RPS6KC1: variants seen among roughly 807,000 people sequenced by gnomAD.
RPS6KC1 encodes the protein ribosomal protein S6 kinase C1, also known as inactive ribosomal protein S6 kinase delta-1.
In RPS6KC1, 54 loss-of-function variants were observed where a neutral mutation model predicts 103.8. That is an observed-to-expected ratio of 0.52 (90% CI 0.42 to 0.65). The LOEUF is 0.65. Among genes scored for constraint, RPS6KC1 ranks in the 30% least tolerant of loss-of-function variants. RPS6KC1 has a pLI of 0.00. For synonymous variants in RPS6KC1, 439 were observed against 438.7 expected, an observed-to-expected ratio of 1.00 and a Z score of -0.01; for missense variants, 1,151 against 1,253.8, an observed-to-expected ratio of 0.92 and a Z score of 1.24.
At chr1:213,543,402 G>A in the RPS6KC1 span, among the ~76,000 whole-genome samples, 1 of 152,194 alleles carries the variant, frequency 6.6e-6, no homozygotes, top group Non-Finnish European at 1.5e-5. Flanking sequence ...AGACAGGGCA[G>A]GATCTGCTAA....
chr1:213,711,160 C>G, the RPS6KC1 span, among the ~76,000 whole-genome samples: 1,327 of 152,274 alleles, frequency 8.7e-3, 27 homozygotes, highest in East Asian at 0.076. Context: ...AGCAATCAAA[C>G]GTAGATTTGG....
At chr1:213,718,286 C>A in the RPS6KC1 span, among the ~76,000 whole-genome samples, 1 of 152,234 alleles carries the variant, frequency 6.6e-6, no homozygotes, top group Non-Finnish European at 1.5e-5. Flanking sequence ...GCTGTGACTG[C>A]CCAGATAATG....
At chr1:213,360,870 G>A in the RPS6KC1 span, among the ~76,000 whole-genome samples, 1 of 152,228 alleles carries the variant, frequency 6.6e-6, no homozygotes, top group African/African-American at 2.4e-5. Flanking sequence ...CTGCAGAACA[G>A]CGAATATTGC....
At chr1:213,297,687 G>A in the RPS6KC1 span, among the ~76,000 whole-genome samples, 1 of 152,066 alleles carries the variant, frequency 6.6e-6, no homozygotes, top group South Asian at 2.1e-4. Flanking sequence ...GGAATGTAGT[G>A]GTAACCTCAA....
At chr1:213,111,862 C>T (rs1179515130) in intron 4 of RPS6KC1, among the ~76,000 whole-genome samples, 1 of 152,114 alleles carries the variant, frequency 6.6e-6, no homozygotes, top group Non-Finnish European at 1.5e-5. Context: ...TAAAAGATGG[C>T]TTAGTCTAGA....
chr1:213,158,619 C>T (rs1264487170), intron 6 of RPS6KC1, among the ~76,000 whole-genome samples: 5 of 152,002 alleles, frequency 3.3e-5, no homozygotes, highest in East Asian at 1.9e-4. Flanking sequence ...TGATTTGTAT[C>T]GAAATAAAGA....
the RPS6KC1 span, among the ~76,000 whole-genome samples, chr1:213,661,437 A>T: frequency 6.6e-6 from 1 of 152,254 alleles, no homozygotes; most frequent in East Asian, 1.9e-4. Context: ...GTGTGAGCAG[A>T]CCTTACAAAG....
the RPS6KC1 span, among the ~76,000 whole-genome samples, chr1:213,441,720 T>A: frequency 6.6e-6 from 1 of 152,162 alleles, no homozygotes; most frequent in Non-Finnish European, 1.5e-5. Flanking sequence ...GAGATGATGG[T>A]CAAAGGGAAC....
intron 5 of RPS6KC1, among the ~76,000 whole-genome samples, chr1:213,125,364 T>C (rs1022354211): frequency 1.3e-5 from 2 of 152,132 alleles, no homozygotes; most frequent in African/African-American, 4.8e-5. Context: ...TAAGGAGATA[T>C]CATAATCTAT....
At chr1:213,379,669 C>T in the RPS6KC1 span, among the ~76,000 whole-genome samples, 7 of 152,204 alleles carry the variant, frequency 4.6e-5, no homozygotes, top group African/African-American at 9.6e-5. Context: ...AACCCTGTGA[C>T]TCCTCCTCTC....
intron 8 of RPS6KC1, among the ~76,000 whole-genome samples, chr1:213,194,830 G>A (rs1241896374): frequency 2.0e-5 from 3 of 152,160 alleles, no homozygotes; most frequent in African/African-American, 7.2e-5. Flanking sequence ...TGTCTGAGGT[G>A]GAACAGTTTC....
intron 8 of RPS6KC1, among the ~76,000 whole-genome samples, chr1:213,180,171 A>C (rs2092176218): frequency 6.6e-6 from 1 of 152,164 alleles, no homozygotes. Context: ...TTAAAAAAAA[A>C]TGTGTAGTCT....
chr1:213,675,463 G>A, the RPS6KC1 span, among the ~76,000 whole-genome samples: 1 of 152,158 alleles, frequency 6.6e-6, no homozygotes, highest in Non-Finnish European at 1.5e-5. Context: ...CAAAAGGTAG[G>A]GGTCCAGTGT....
At chr1:213,588,054 G>A in the RPS6KC1 span, among the ~76,000 whole-genome samples, 1 of 152,148 alleles carries the variant, frequency 6.6e-6, no homozygotes, top group African/African-American at 2.4e-5. Context: ...TCTTCACGTG[G>A]TAGAAGGGGC....
chr1:213,251,759 G>A (rs2094550005), intron 12 of RPS6KC1, among the ~76,000 whole-genome samples: 2 of 152,196 alleles, frequency 1.3e-5, no homozygotes, highest in African/African-American at 4.8e-5. Flanking sequence ...GCCTTGAATG[G>A]ACAGTGCTAC....
At chr1:213,406,559 T>G in the RPS6KC1 span, among the ~76,000 whole-genome samples, 1 of 152,150 alleles carries the variant, frequency 6.6e-6, no homozygotes, top group Non-Finnish European at 1.5e-5. Flanking sequence ...AGCTCCTTGT[T>G]TTATCACCCC....
At position 213,171,533 on chromosome 1, in the gene RPS6KC1, T is replaced by C. The variant is rs114344893; in HGVS notation, c.951+3560T>C. On this transcript the variant is annotated intron_variant, in intron 7 of 14. Transcript: ENST00000366960. ...TGATCTAAATTTAGCACATAAAATA[T>C]TTGTGTAGTTTCTAAAGTGTGAATA... 2.6e-3 allele frequency among the ~76,000 whole-genome samples: 396 copies of C among 152,246 alleles called. 2 individuals carry two copies. The highest frequency in any genetic ancestry group is 4.3e-3 in the Non-Finnish European group (295 of 68,010).
At chr1:213,809,559 CA>C in the RPS6KC1 span, among the ~76,000 whole-genome samples, 1 of 152,120 alleles carries the variant, frequency 6.6e-6, no homozygotes, top group Non-Finnish European at 1.5e-5. Flanking sequence ...TACAATAAAA[CA>C]AAGTACATGT....
chr1:213,515,668 C>T, the RPS6KC1 span, among the ~76,000 whole-genome samples: 2 of 152,122 alleles, frequency 1.3e-5, no homozygotes, highest in Non-Finnish European at 2.9e-5. Context: ...TAGTGTGATG[C>T]CTCCAGCTTT....
Sources: allele counts gnomAD v4.1 joint callset (sites outside exome capture counted in the v4.1 genomes callset), GRCh38; gene constraint gnomAD v4.1.1; transcripts MANE v1.5; gene names NCBI Gene and HGNC (gene_info 2026-07-23, HGNC 2026-07-21).